PRKCA: variants seen among roughly 807,000 people sequenced by gnomAD.
PRKCA encodes the protein protein kinase C alpha, also known as protein kinase C alpha type.
In PRKCA, 27 loss-of-function variants were observed where a neutral mutation model predicts 87.0. That is an observed-to-expected ratio of 0.31 (90% confidence interval 0.23 to 0.43). The LOEUF (loss-of-function observed/expected upper bound fraction) is 0.43. Among genes scored for constraint, PRKCA ranks in the 20% least tolerant of loss-of-function variants. PRKCA has a pLI of 1.00. For synonymous variants in PRKCA, 329 were observed against 311.1 expected (o/e 1.06, Z -0.61); for missense variants, 518 against 852.3 (o/e 0.61, Z 4.88).
At chr17:66,464,258 C>T (rs190670795) in intron 2 of PRKCA, among the ~76,000 whole-genome samples, 19 of 152,270 alleles carry the variant, frequency 1.2e-4, no homozygotes, top group African/African-American at 4.1e-4. Context: ...GGATGCACCG[C>T]AGTTTATCCA....
intron 3 of PRKCA, among the ~76,000 whole-genome samples, chr17:66,498,056 C>G (rs894830863): frequency 6.6e-6 from 1 of 152,100 alleles, no homozygotes; most frequent in African/African-American, 2.4e-5. Flanking sequence ...GACAAGGAAG[C>G]CCAAGTCCAT....
chr17:66,592,512 T>C (rs1449547542), intron 3 of PRKCA, among the ~76,000 whole-genome samples: 1 of 152,166 alleles, frequency 6.6e-6, no homozygotes, highest in African/African-American at 2.4e-5. Flanking sequence ...ACTTCCTCCT[T>C]TGTTCTTGTT....
At chr17:66,658,944 T>G (rs554916791) in intron 5 of PRKCA, among the ~76,000 whole-genome samples, 1 of 152,322 alleles carries the variant, frequency 6.6e-6, no homozygotes, top group East Asian at 1.9e-4. Flanking sequence ...GAAATCACTT[T>G]CAAAATTGGA....
At chr17:66,633,791 A>C (rs953560603) in intron 3 of PRKCA, among the ~76,000 whole-genome samples, 1 of 152,230 alleles carries the variant, frequency 6.6e-6, no homozygotes, top group Non-Finnish European at 1.5e-5. Flanking sequence ...TCAAATATGA[A>C]CATCCCCATC....
At position 66,302,671 on chromosome 17, in the gene PRKCA, C is replaced by G. The variant is rs1904564839; in HGVS notation, c.-181C>G. On this transcript the variant is annotated 5_prime_UTR_variant, in exon 1 of 17. Transcript: ENST00000413366. Reference sequence around the variant, plus strand: ...GGCTCCGGCTCCCGCTCCCGCTCCGCGCAGCACCAGCCCGACTCTCCCCGG... The same window carrying G: ...GGCTCCGGCTCCCGCTCCCGCTCCGGGCAGCACCAGCCCGACTCTCCCCGG... 4.7e-6 allele frequency: 1 copy of G among 211,088 alleles called. No homozygotes were observed. Among genetic ancestry groups the G allele is most frequent in the South Asian group, 1.5e-4 (1 of 6,798 alleles). 13.1% of individuals were successfully genotyped at this position (211,088 alleles called of 1,614,324 possible).
Position 66,689,755 on chromosome 17 carries a change from T to C in PRKCA, c.918+708T>C, listed in dbSNP as rs1972729043. ...TTCTTTTCTGTAAGCACCTTCCTTA[T>C]GTTTTAAAGGCACAACTTCTAATAT... is the stretch of plus-strand genomic sequence containing the variant. On this transcript the variant is annotated intron_variant, in intron 8 of 16. Coordinates refer to ENST00000413366, the MANE Select transcript of PRKCA (RefSeq NM_002737.3). The surrounding 1 kb of genome is among the most constrained non-coding windows in gnomAD (Gnocchi z 4.1). Among the ~76,000 whole-genome samples the C allele has an allele frequency of 6.6e-6, 1 of 152,256 alleles. No individual in the cohort carries two copies. The highest frequency in any genetic ancestry group is 2.4e-5 in the African/African-American group (1 of 41,468).
At chr17:66,732,624 G>T in intron 8 of PRKCA, 64 bp from the exon 9 acceptor site, 1 of 1,597,942 alleles carries the variant, frequency 6.3e-7, no homozygotes, top group South Asian at 1.1e-5. Flanking sequence ...ACAACACGGT[G>T]GTTTCTGTCA....
intron 5 of PRKCA, among the ~76,000 whole-genome samples, chr17:66,684,139 T>G (rs1355152725): frequency 6.6e-6 from 1 of 152,160 alleles, no homozygotes; most frequent in Non-Finnish European, 1.5e-5. Context: ...TGCTTACCAC[T>G]CCGTAAGCTG....
rs528449352 is a variant in PRKCA at position 66,718,880 on chromosome 17, A to G, written c.919-13808A>G. Among the ~76,000 whole-genome samples the G allele has an allele frequency of 2.8e-4, 43 of 152,372 alleles. 1 individual carries two copies. The highest frequency in any genetic ancestry group is 1.0e-3 in the African/African-American group (42 of 41,594). ...ACAGCCACATGTGAGAAAGAAGTAC[A>G]GTTAAAAATTCCAACTGTGAATTTA... On this transcript the variant is annotated intron_variant, in intron 8 of 16. Transcript: ENST00000413366.
intron 2 of PRKCA, among the ~76,000 whole-genome samples, chr17:66,413,126 G>A (rs1040690885): frequency 6.6e-6 from 1 of 152,154 alleles, no homozygotes; most frequent in Non-Finnish European, 1.5e-5. Flanking sequence ...CTCCTCAGAT[G>A]CCAACGTAAA....
intron 16 of PRKCA, among the ~76,000 whole-genome samples, chr17:66,798,815 G>A (rs866925153): frequency 2.8e-5 from 1 of 35,152 alleles, no homozygotes; most frequent in Non-Finnish European, 6.4e-5. Flanking sequence ...GGTGGTGGTG[G>A]TGATGGTGGT....
At chr17:66,650,698 G>A (rs1335569706) in intron 5 of PRKCA, among the ~76,000 whole-genome samples, 2 of 152,014 alleles carry the variant, frequency 1.3e-5, no homozygotes, top group African/African-American at 4.8e-5. Context: ...CCTACCTAGG[G>A]CCCTGCGCGA....
intron 2 of PRKCA, among the ~76,000 whole-genome samples, chr17:66,418,901 A>G (rs1598656523): frequency 6.8e-6 from 1 of 147,596 alleles, no homozygotes; most frequent in Non-Finnish European, 1.5e-5. Context: ...ACAGGCGCCC[A>G]CCATCACGCC....
At chr17:66,771,438 A>C (rs1185868423) in intron 13 of PRKCA, among the ~76,000 whole-genome samples, 1 of 152,236 alleles carries the variant, frequency 6.6e-6, no homozygotes, top group Non-Finnish European at 1.5e-5. Context: ...TTATTAAATA[A>C]ACAAACTGAC....
chr17:66,699,776 G>T (rs1342597188), intron 8 of PRKCA, among the ~76,000 whole-genome samples: 1 of 152,142 alleles, frequency 6.6e-6, no homozygotes, highest in Non-Finnish European at 1.5e-5. Flanking sequence ...AGGTCTTGAT[G>T]TGTTGCCCAG....
intron 2 of PRKCA, among the ~76,000 whole-genome samples, chr17:66,335,484 G>A (rs531911382): frequency 1.1e-3 from 166 of 151,906 alleles, no homozygotes; most frequent in Middle Eastern, 6.8e-3. Context: ...AACATTCTGC[G>A]GATGGATGAT....
intron 2 of PRKCA, chr17:66,403,955 T>G (rs1238546608): frequency 6.6e-6 from 1 of 152,220 alleles, no homozygotes; most frequent in East Asian, 1.9e-4. Context: ...AAATAGTAAA[T>G]GAGACATAGT....
chr17:66,450,952 C>G (rs1914280642), intron 2 of PRKCA, among the ~76,000 whole-genome samples: 1 of 152,180 alleles, frequency 6.6e-6, no homozygotes, highest in Non-Finnish European at 1.5e-5. Flanking sequence ...TAGAATTTTG[C>G]TGAAAGTAAC....
At chr17:66,517,287 A>T (rs1966998619) in intron 3 of PRKCA, among the ~76,000 whole-genome samples, 1 of 152,118 alleles carries the variant, frequency 6.6e-6, no homozygotes, top group African/African-American at 2.4e-5. Context: ...CATCTCAAAA[A>T]ATAAAAAATT....
Sources: gnomAD v4.1 joint callset for allele counts (sites outside exome capture counted in the v4.1 genomes callset) on GRCh38, gnomAD v4.1.1 for gene constraint, Gnocchi (gnomAD v3.1) non-coding constraint, MANE v1.5 for transcripts, NCBI Gene and HGNC (gene_info 2026-07-23, HGNC 2026-07-21) for gene names.